ADAMTSL4: variants seen among roughly 807,000 people sequenced by gnomAD.
ADAMTSL4 encodes the protein ADAMTS like 4.
A neutral mutation model predicts 122.8 loss-of-function variants in ADAMTSL4; 97 were observed. The observed-to-expected ratio is 0.79, with a 90% confidence interval of 0.67 to 0.93. ADAMTSL4 has a LOEUF of 0.93. Among genes scored for constraint, ADAMTSL4 ranks in the 40% least tolerant of loss-of-function variants. The pLI, the probability that ADAMTSL4 is intolerant of heterozygous loss-of-function variation, is 0.00. For missense variants in ADAMTSL4, 1,408 were observed against 1,453.5 expected, an observed-to-expected ratio of 0.97 and a Z score of 0.51; for synonymous variants, 592 against 568.0, an observed-to-expected ratio of 1.04 and a Z score of -0.60.
In ADAMTSL4 at chr1:150,554,189, G is replaced by T; in HGVS notation, c.1131+67G>T. ...TGTGGCTTCCCTGCCCTGAAGCTGG[G>T]TCTTCAGCTTCCGCTTGGCACCTGA... On this transcript the variant is annotated intron_variant, in intron 6 of 18. Coordinates refer to ENST00000271643, the MANE Select transcript of ADAMTSL4 (RefSeq NM_019032.6). The surrounding 1 kb of genome is among the most constrained non-coding windows in gnomAD (Gnocchi z 4.0). The T allele has an allele frequency of 6.4e-7, 1 of 1,563,764 alleles. No individual in the cohort carries two copies. The highest frequency in any genetic ancestry group is 2.2e-5 in the East Asian group (1 of 44,636).
At position 150,553,697 on chromosome 1, in the gene ADAMTSL4, G is replaced by A. The variant is rs368893787; in HGVS notation, c.706G>A (p.Ala236Thr). The change falls in exon 6 of 19, where the codon GCT becomes ACT. Residue 236 changes from alanine to threonine, a missense_variant. Ala to Thr is a moderately conservative substitution (Grantham distance 58). Transcript: ENST00000271643. ...AGCAGAACCTCTAAGCCCTGAAACT[G>A]CTCAGACAGAGGTGGCCCCCAGAAC... The part of the protein sequence containing the change: ...PQAEPLSPET[A>T]QTEVAPRTRP... The A allele has an allele frequency of 7.4e-6, 12 of 1,611,972 alleles. No individual in the cohort carries two copies. In the African/African-American group the frequency reaches 9.4e-5, roughly 13 times the overall value.
chr1:150,549,866 T>G lies in ADAMTSL4; in HGVS notation c.-114T>G. On this transcript the variant is annotated 5_prime_UTR_variant, in exon 2 of 19. Transcript: ENST00000271643. This position sits in a 1 kb window ranked among gnomAD's most constrained non-coding sequence, Gnocchi z 5.0. Reference sequence around the variant, plus strand: ...GTGTCCCCCACTGCACTCCTGAACTTGGAGGACAGGGTCGCCGCGAGGGAC... The same window carrying G: ...GTGTCCCCCACTGCACTCCTGAACTGGGAGGACAGGGTCGCCGCGAGGGAC... 1 of 199,322 alleles carries G rather than the reference T, an allele frequency of 5.0e-6. No individual in the cohort carries two copies. The highest frequency in any genetic ancestry group is 7.4e-5 in the South Asian group (1 of 13,572). The allele number at this position is 199,322 out of a possible 1,614,324, so 12.3% of individuals were successfully genotyped here.
chr1:150,556,362 C>T lies in ADAMTSL4; in HGVS notation c.1572C>T (p.Tyr524=). The change falls in exon 9 of 19, where the codon TAC becomes TAT. Residue 524 remains tyrosine (Y), a synonymous_variant. Coordinates refer to ENST00000271643, the MANE Select transcript of ADAMTSL4 (RefSeq NM_019032.6). The surrounding 1 kb of genome is among the most constrained non-coding windows in gnomAD (Gnocchi z 4.1). ...CCCAGCTCCGGCCTAGCTCCAACTA[C>T]CTGGGTGAGCACCCAGCTGCCTCCC... is the stretch of plus-strand genomic sequence containing the variant. ...QIAQLRPSSN[Y]LALRGPGGRS... 6.2e-7 allele frequency: 1 copy of T among 1,613,974 alleles called. No individual in the cohort carries two copies. The highest frequency in any genetic ancestry group is 1.3e-5 in the African/African-American group (1 of 75,048).
Position 150,553,144 on chromosome 1 carries a change from G to A in ADAMTSL4, c.325G>A (p.Glu109Lys), listed in dbSNP as rs1253076477. The change falls in exon 5 of 19, where the codon GAA becomes AAA. Residue 109 changes from glutamate (E) to lysine (K), a missense_variant. By Grantham distance (56) the Glu-to-Lys change is moderately conservative. Coordinates refer to ENST00000271643, the MANE Select transcript of ADAMTSL4 (RefSeq NM_019032.6). Reference protein sequence around the residue: ...GQGPRPQTSPETLPLYRTQSR... With the variant: ...GQGPRPQTSPKTLPLYRTQSR... ...GGGTCCCAGACCCCAGACTTCTCCA[G>A]AAACCCTCCCCTTGTACAGGACACA... 6.2e-7 allele frequency: 1 copy of A among 1,612,824 alleles called. No homozygotes were observed. The highest frequency in any genetic ancestry group is 1.3e-5 in the African/African-American group (1 of 74,812).
Position 150,559,804 on chromosome 1 carries a change from AGTGCCT to A in ADAMTSL4, c.2989_2994del (p.Cys997_Leu998del). On this transcript the variant is annotated inframe_deletion, in exon 18 of 19. Coordinates refer to ENST00000271643, the MANE Select transcript of ADAMTSL4 (RefSeq NM_019032.6). The surrounding 1 kb of genome is among the most constrained non-coding windows in gnomAD (Gnocchi z 4.1). The stretch of plus-strand genomic sequence containing the variant: ...GGGGGAACGCAGACACGGGAGGTCC[AGTGCCT>A]GAGCACCAACCAGACCCTCAGCACC... The A allele has an allele frequency of 6.2e-7, 1 of 1,613,982 alleles. No homozygotes were observed. The highest frequency in any genetic ancestry group is 8.5e-7 in the Non-Finnish European group (1 of 1,179,992).
rs767775863 is a variant in ADAMTSL4, at chr1:150,560,239, G to C, written c.*43G>C. On this transcript the variant is annotated 3_prime_UTR_variant, in exon 19 of 19. Transcript: ENST00000271643. ...TTCACGGTTTTCTGTGCCACCATCGGTCACCCATTGATCGGCCCACTCTGA... is the reference window on the plus strand; with the variant it reads ...TTCACGGTTTTCTGTGCCACCATCGCTCACCCATTGATCGGCCCACTCTGA... 7.4e-6 allele frequency: 12 copies of C among 1,611,970 alleles called. No individual in the cohort carries two copies. In the Admixed American group the frequency reaches 1.3e-4, roughly 18 times the overall value.
At position 150,557,610 on chromosome 1, in the gene ADAMTSL4, C is replaced by T. The variant is rs1672305523; in HGVS notation, c.2164C>T (p.Pro722Ser). Residue 722 changes from proline (P) to serine (S), a missense_variant, in exon 13 of 19, where the codon CCA becomes TCA. Transcript: ENST00000271643. ...PASPEPCHGTPCPPYWEAGEW... is the reference protein window; with the variant it reads ...PASPEPCHGTSCPPYWEAGEW... ...CTCCCCTGAACCCTGCCACGGCACC[C>T]CATGCCCCCCATAGTGAGTATGGGG... The T allele has an allele frequency of 1.3e-6, 2 of 1,599,850 alleles. No individual in the cohort carries two copies. Among genetic ancestry groups the T allele is most frequent in the South Asian group, 2.2e-5 (2 of 89,420 alleles).
chr1:150,559,647 C>T lies in ADAMTSL4; in HGVS notation c.2944-114C>T. The T allele has an allele frequency of 3.2e-6, 5 of 1,579,396 alleles. No homozygotes were observed. Among genetic ancestry groups the T allele is most frequent in the Non-Finnish European group, 4.3e-6 (5 of 1,159,314 alleles). On this transcript the variant is annotated intron_variant, in intron 17 of 18. Transcript: ENST00000271643. This position sits in a 1 kb window ranked among gnomAD's most constrained non-coding sequence, Gnocchi z 4.1. ...TGGGCCCTCTCCATTTGGGATTTCA[C>T]AATGTCCTAGGAGGGTCCCCACCAC... is the stretch of plus-strand genomic sequence containing the variant.
At position 150,554,671 on chromosome 1, in the gene ADAMTSL4, A is replaced by T; in HGVS notation, c.1234+204A>T. ...GCAGAAGGGTCGGGGTGGGAGGAGG[A>T]GGTGTGGGAGACACGCTTTGTCCGG... On this transcript the variant is annotated intron_variant, in intron 7 of 18. Transcript: ENST00000271643. The surrounding 1 kb of genome is among the most constrained non-coding windows in gnomAD (Gnocchi z 4.0). The T allele has an allele frequency of 6.5e-7, 1 of 1,534,472 alleles. No homozygotes were observed. The highest frequency in any genetic ancestry group is 8.7e-7 in the Non-Finnish European group (1 of 1,145,220).
chr1:150,554,113 C>T lies in ADAMTSL4; in HGVS notation c.1122C>T (p.Cys374=), dbSNP rs1560289858. 2 of 1,599,472 alleles carry T rather than the reference C, an allele frequency of 1.3e-6. No homozygotes were observed. Among genetic ancestry groups the T allele is most frequent in the Non-Finnish European group, 1.7e-6 (2 of 1,179,920 alleles). The change falls in exon 6 of 19, where the codon TGC becomes TGT. Residue 374 remains cysteine, a synonymous_variant. Coordinates refer to ENST00000271643, the MANE Select transcript of ADAMTSL4 (RefSeq NM_019032.6). The surrounding 1 kb of genome is among the most constrained non-coding windows in gnomAD (Gnocchi z 4.0). ...CSGESEQLRA[C]SQAPCPPEQP... The stretch of plus-strand genomic sequence containing the variant: ...GGGAGAGTGAACAGCTAAGAGCCTG[C>T]AGCCAAGCGGTGAGTCTCCTCGGGC...
At position 150,554,204 on chromosome 1, in the gene ADAMTSL4, T is replaced by C. The variant is rs1001435183; in HGVS notation, c.1131+82T>C. ...CTGAAGCTGGGTCTTCAGCTTCCGC[T>C]TGGCACCTGAGGGAGAAGGGCCTTG... On this transcript the variant is annotated intron_variant, in intron 6 of 18. Transcript: ENST00000271643. The surrounding 1 kb of genome is among the most constrained non-coding windows in gnomAD (Gnocchi z 4.0). The C allele has an allele frequency of 5.0e-5, 76 of 1,533,228 alleles. No homozygotes were observed. The highest frequency in any genetic ancestry group is 6.3e-5 in the Non-Finnish European group (71 of 1,123,440). The allele number at this position is 1,533,228 out of a possible 1,614,324, so 95.0% of individuals were successfully genotyped here.
Position 150,556,024 on chromosome 1 carries a change from G to A in ADAMTSL4, c.1372-138G>A, listed in dbSNP as rs1411375827. On this transcript the variant is annotated intron_variant, in intron 8 of 18. Transcript: ENST00000271643. The surrounding 1 kb of genome is among the most constrained non-coding windows in gnomAD (Gnocchi z 4.1). ...CTGTCCATGTCCCTGGGTCTGGCTG[G>A]GGATGGTGGGGCTGTTTTTGTGCTC... is the stretch of plus-strand genomic sequence containing the variant. The A allele has an allele frequency of 8.2e-6, 7 of 853,118 alleles. No individual in the cohort carries two copies. The highest frequency in any genetic ancestry group is 3.3e-4 in the Middle Eastern group (1 of 3,046). 52.8% of individuals were successfully genotyped at this position (853,118 alleles called of 1,614,324 possible).
At position 150,560,108 on chromosome 1, in the gene ADAMTSL4, C is replaced by T; in HGVS notation, c.3137C>T (p.Ala1046Val). The change falls in exon 19 of 19, where the codon GCC (alanine) becomes GTC (valine). Residue 1046 changes from alanine to valine, a missense_variant. Ala to Val is a moderately conservative substitution (Grantham distance 64, BLOSUM62 0). Coordinates refer to ENST00000271643, the MANE Select transcript of ADAMTSL4 (RefSeq NM_019032.6). ...SSPHCPLVVQ[A>V]RLCVYPYYTA... ...CCACATTGCCCCCTGGTGGTACAGG[C>T]CCGGCTCTGCGTCTACCCCTACTAC... is the stretch of plus-strand genomic sequence containing the variant. The T allele has an allele frequency of 6.2e-7, 1 of 1,614,122 alleles. No homozygotes were observed. The highest frequency in any genetic ancestry group is 8.5e-7 in the Non-Finnish European group (1 of 1,180,016).
Position 150,556,060 on chromosome 1 carries a change from C to A in ADAMTSL4, c.1372-102C>A. ...GCTGTTTTTGTGCTCTCACTTGTGG[C>A]ACAAAAAGCAGGGTAGTGAGCTGAG... On this transcript the variant is annotated intron_variant, in intron 8 of 18. Transcript: ENST00000271643. The surrounding 1 kb of genome is among the most constrained non-coding windows in gnomAD (Gnocchi z 4.1). 1 of 1,299,816 alleles carries A rather than the reference C, an allele frequency of 7.7e-7. No homozygotes were observed. Among genetic ancestry groups the A allele is most frequent in the Non-Finnish European group, 1.1e-6 (1 of 914,792 alleles). The allele number at this position is 1,299,816 out of a possible 1,614,324, so 80.5% of individuals were successfully genotyped here. A position where few individuals can be genotyped will look rare whatever the true frequency, so the allele number is the denominator to read the frequency against.
chr1:150,559,502 C>T lies in ADAMTSL4; in HGVS notation c.2943+36C>T, dbSNP rs753286775. The T allele has an allele frequency of 3.7e-6, 6 of 1,611,052 alleles. No individual in the cohort carries two copies. In the South Asian group the frequency reaches 6.6e-5, roughly 18 times the overall value. ...GGCTGCGCTGTCCTGCCCTGCTCAG[C>T]CTGGGCCCCTAGGGGAGGGGAGCTC... On this transcript the variant is annotated intron_variant, in intron 17 of 18. Transcript: ENST00000271643. This position sits in a 1 kb window ranked among gnomAD's most constrained non-coding sequence, Gnocchi z 4.1.
At position 150,556,555 on chromosome 1, in the gene ADAMTSL4, C is replaced by T; in HGVS notation, c.1577-66C>T. 9 of 1,605,696 alleles carry T rather than the reference C, an allele frequency of 5.6e-6. No homozygotes were observed. Among genetic ancestry groups the T allele is most frequent in the Non-Finnish European group, 6.8e-6 (8 of 1,173,468 alleles). On this transcript the variant is annotated intron_variant, in intron 9 of 18. Coordinates refer to ENST00000271643, the MANE Select transcript of ADAMTSL4 (RefSeq NM_019032.6). The surrounding 1 kb of genome is among the most constrained non-coding windows in gnomAD (Gnocchi z 4.1). ...GGTGGGAGCTTCTATAGGCTAAGGA[C>T]ACGGTGTGGGAGGAGGAAGGTATTA... is the stretch of plus-strand genomic sequence containing the variant.
chr1:150,551,085 G>A lies in ADAMTSL4; in HGVS notation c.-84-1120G>A, dbSNP rs1458193210. On this transcript the variant is annotated intron_variant, in intron 2 of 18. Transcript: ENST00000271643. The stretch of plus-strand genomic sequence containing the variant: ...AGAAGAAGGGGGCAAAGAGAGTCAG[G>A]CTTGGTGGCTGGGGTGGCTTCCAAG... 2.5e-5 allele frequency: 11 copies of A among 441,566 alleles called. 1 individual carries two copies. In the Admixed American group the frequency reaches 2.6e-4, roughly 11 times the overall value. 27.4% of individuals were successfully genotyped at this position (441,566 alleles called of 1,614,324 possible). A position where few individuals can be genotyped will look rare whatever the true frequency, so the allele number is the denominator to read the frequency against.
rs1325701080 is a variant in ADAMTSL4, at chr1:150,559,258, CT to C, written c.2764-28del. The C allele has an allele frequency of 6.2e-7, 1 of 1,613,656 alleles. No individual in the cohort carries two copies. The highest frequency in any genetic ancestry group is 1.3e-5 in the African/African-American group (1 of 74,900). On this transcript the variant is annotated intron_variant, in intron 16 of 18. Transcript: ENST00000271643. The surrounding 1 kb of genome is among the most constrained non-coding windows in gnomAD (Gnocchi z 4.1). ...GGGGTGCTCTCTGTCCTCCCCTCCCCTCATCACCCTGCCCTCCCCCTACACT... is the reference window on the plus strand; with the variant it reads ...GGGGTGCTCTCTGTCCTCCCCTCCCCCATCACCCTGCCCTCCCCCTACACT...
intron 13 of ADAMTSL4, 55 bp downstream of exon 13, chr1:150,557,678 C>T (rs1270595085): frequency 1.3e-5 from 21 of 1,557,612 alleles, no homozygotes; most frequent in Non-Finnish European, 1.8e-5. Context: ...ACAGCAGTTG[C>T]CCCCAGAATC....
Sources: allele counts gnomAD v4.1 joint callset, GRCh38; gene constraint gnomAD v4.1.1; non-coding constraint Gnocchi (gnomAD v3.1); transcripts MANE v1.5; gene names NCBI Gene and HGNC (gene_info 2026-07-23, HGNC 2026-07-21).